The following CCR7 variants were observed in gnomAD, a reference collection of about 807,000 sequenced individuals.
CCR7 encodes the protein C-C motif chemokine receptor 7, also known as C-C chemokine receptor type 7.
A neutral mutation model predicts 26.0 loss-of-function variants in CCR7; 11 were observed. The observed-to-expected ratio is 0.42, with a 90% CI of 0.27 to 0.70. The LOEUF (loss-of-function observed/expected upper bound fraction) is 0.70, where lower values mean the gene tolerates loss of function less well. CCR7 is among the 30% of genes least tolerant of loss of function. The pLI is 0.23. For missense variants in CCR7, 360 were observed against 504.0 expected (o/e 0.71, Z 2.74); for synonymous variants, 189 against 202.1 (o/e 0.94, Z 0.55).
Position 40,565,446 on chromosome 17 carries a change from G to C in CCR7, c.-37C>G, listed in dbSNP as rs996839179. On this transcript the variant is annotated 5_prime_UTR_variant, in exon 1 of 3. Transcript: ENST00000246657. The stretch of plus-strand genomic sequence containing the variant: ...GGCGGTAAAACCACACAGGAAGGCT[G>C]TGCCCGGCCTCGCACTACCCCTGTC... 14 of 1,611,292 alleles carry C rather than the reference G, an allele frequency of 8.7e-6. No homozygotes were observed. The Admixed American group carries it at 2.0e-4, about 23-fold the overall frequency.
chr17:40,563,452 G>A (rs529707137), intron 1 of CCR7, among the ~76,000 whole-genome samples: 1 of 152,270 alleles, frequency 6.6e-6, no homozygotes, highest in Non-Finnish European at 1.5e-5. Context: ...CGAAGGTGGG[G>A]AGGGTGCCTC....
chr17:40,561,476 G>A (rs933584648), intron 1 of CCR7, among the ~76,000 whole-genome samples: 3 of 152,218 alleles, frequency 2.0e-5, no homozygotes, highest in Admixed American at 6.5e-5. Flanking sequence ...GACCAATGAA[G>A]TTGGGAATCT....
At chr17:40,563,471 T>C (rs1163537526) in intron 1 of CCR7, among the ~76,000 whole-genome samples, 1 of 152,146 alleles carries the variant, frequency 6.6e-6, no homozygotes, top group Non-Finnish European at 1.5e-5. Context: ...TCAGAGCTGC[T>C]CATTCAAACC....
Position 40,562,538 on chromosome 17 carries a change from C to T in CCR7, c.10+2862G>A, listed in dbSNP as rs189523373. On this transcript the variant is annotated intron_variant, in intron 1 of 2. Coordinates refer to ENST00000246657, the MANE Select transcript of CCR7 (RefSeq NM_001838.4). ...TGACACGGGCTTTGCTGCCTCTTTG[C>T]TGCCACAGAACTCCTTCCAAAACAC... Among the ~76,000 whole-genome samples, 28 of 152,332 alleles carry T rather than the reference C, an allele frequency of 1.8e-4. No individual in the cohort carries two copies. In the East Asian group the frequency reaches 4.4e-3, roughly 24 times the overall value.
chr17:40,555,049 A>T lies in CCR7; in HGVS notation c.830T>A (p.Leu277Gln). The T allele has an allele frequency of 1.3e-5, 21 of 1,614,176 alleles. No individual in the cohort carries two copies. The highest frequency in any genetic ancestry group is 1.8e-5 in the Non-Finnish European group (21 of 1,180,024). ...GGCCAGGACCACCCCATTGTAGGGC[A>T]GCTGGAAGACTATGAAGACCACGAC... Reference protein sequence around the residue: ...AVVVVFIVFQLPYNGVVLAQT... With the variant: ...AVVVVFIVFQQPYNGVVLAQT... Residue 277 changes from leucine (L) to glutamine (Q), a missense_variant, in exon 3 of 3, where the codon CTG (leucine) becomes CAG (glutamine). Transcript: ENST00000246657. The surrounding 1 kb of genome is among the most constrained non-coding windows in gnomAD (Gnocchi z 5.6).
Position 40,558,777 on chromosome 17 carries a change from CG to C in CCR7, c.60+115del, listed in dbSNP as rs1367100357. The C allele has an allele frequency of 7.1e-6, 6 of 839,398 alleles. 1 individual carries two copies. Among genetic ancestry groups the C allele is most frequent in the South Asian group, 5.8e-5 (4 of 68,654 alleles). 52.0% of individuals were successfully genotyped at this position (839,398 alleles called of 1,614,324 possible). ...AGCCATTAGCTTAATGAGTGGCAGG[CG>C]GGCTTATGTCTGGGTCTTGTATCTT... On this transcript the variant is annotated intron_variant, in intron 2 of 2. Transcript: ENST00000246657.
intron 2 of CCR7, among the ~76,000 whole-genome samples, chr17:40,556,044 C>T (rs898619694): frequency 6.6e-6 from 1 of 152,040 alleles, no homozygotes; most frequent in Non-Finnish European, 1.5e-5. Flanking sequence ...GTAGCTGGGA[C>T]CACAGCCTTA....
intron 2 of CCR7, among the ~76,000 whole-genome samples, chr17:40,556,379 G>T (rs1218230273): frequency 6.6e-6 from 1 of 152,180 alleles, no homozygotes; most frequent in African/African-American, 2.4e-5. Flanking sequence ...GTAGGCTAAG[G>T]TGGGGCCTGA....
chr17:40,560,196 C>T (rs2036638715), intron 1 of CCR7, among the ~76,000 whole-genome samples: 1 of 152,176 alleles, frequency 6.6e-6, no homozygotes, highest in South Asian at 2.1e-4. Context: ...AGTAATTTGC[C>T]TAGATGTTTT....
At position 40,554,836 on chromosome 17, in the gene CCR7, C is replaced by G; in HGVS notation, c.1043G>C (p.Ser348Thr). ...FKLFKDLGCL[S>T]QEQLRQWSSC... ...AGACCACTGCCGGAGCTGCTCCTGG[C>G]TGAGGCAGCCCAGGTCCTTGAAGAG... Residue 348 changes from serine (S) to threonine (T), a missense_variant, in exon 3 of 3, where the codon AGC becomes ACC. Transcript: ENST00000246657. 6 of 1,614,204 alleles carry G rather than the reference C, an allele frequency of 3.7e-6. No homozygotes were observed. Among genetic ancestry groups the G allele is most frequent in the Non-Finnish European group, 3.4e-6 (4 of 1,180,042 alleles).
intron 1 of CCR7, among the ~76,000 whole-genome samples, chr17:40,561,225 A>T (rs2036652464): frequency 6.6e-6 from 1 of 152,036 alleles, no homozygotes; most frequent in African/African-American, 2.4e-5. Flanking sequence ...CCGTCAGGGG[A>T]GGGGAGTTGG....
chr17:40,556,272 C>T (rs898394045), intron 2 of CCR7, among the ~76,000 whole-genome samples: 2 of 152,160 alleles, frequency 1.3e-5, no homozygotes. Flanking sequence ...TTCCTAAAGT[C>T]TCCAGGTGAT....
intron 2 of CCR7, among the ~76,000 whole-genome samples, chr17:40,556,038 C>T (rs1224696328): frequency 6.6e-6 from 1 of 152,106 alleles, no homozygotes; most frequent in Admixed American, 6.5e-5. Flanking sequence ...TCCTGAGTAG[C>T]TGGGACCACA....
chr17:40,562,739 C>T (rs2036667987), intron 1 of CCR7, among the ~76,000 whole-genome samples: 1 of 152,090 alleles, frequency 6.6e-6, no homozygotes, highest in East Asian at 1.9e-4. Context: ...GCTACTCCAC[C>T]CTCCCCTCCG....
chr17:40,555,929 A>C lies in CCR7; in HGVS notation c.61-111T>G. 1.4e-6 allele frequency: 1 copy of C among 714,566 alleles called. No homozygotes were observed. The highest frequency in any genetic ancestry group is 1.9e-5 in the South Asian group (1 of 53,914). 44.3% of individuals were successfully genotyped at this position (714,566 alleles called of 1,614,324 possible). ...CTTTCTTTTTTTTTTTTCTTGAGAC[A>C]TGGTCTCACTCTGTTGCCCAGGCTG... On this transcript the variant is annotated intron_variant, in intron 2 of 2. Coordinates refer to ENST00000246657, the MANE Select transcript of CCR7 (RefSeq NM_001838.4). The surrounding 1 kb of genome is among the most constrained non-coding windows in gnomAD (Gnocchi z 5.6).
chr17:40,554,803 C>T lies in CCR7; in HGVS notation c.1076G>A (p.Arg359Gln), dbSNP rs143854738. ...ACTCATGGAGGAGCGCCGGATGTGC[C>T]GACAGGAAGACCACTGCCGGAGCTG... is the stretch of plus-strand genomic sequence containing the variant. ...QEQLRQWSSC[R>Q]HIRRSSMSVE... is the part of the protein sequence containing the mutation. The change falls in exon 3 of 3, where the codon CGG becomes CAG. Residue 359 changes from arginine to glutamine, a missense_variant. Coordinates refer to ENST00000246657, the MANE Select transcript of CCR7 (RefSeq NM_001838.4). 1.2e-5 allele frequency: 20 copies of T among 1,613,924 alleles called. No individual in the cohort carries two copies. Among genetic ancestry groups the T allele is most frequent in the Middle Eastern group, 1.6e-4 (1 of 6,084 alleles).
chr17:40,559,441 G>A (rs961329209), intron 1 of CCR7, among the ~76,000 whole-genome samples: 3 of 152,216 alleles, frequency 2.0e-5, no homozygotes, highest in Admixed American at 6.5e-5. Flanking sequence ...AGGTGAGTGC[G>A]CAGCCACACG....
At chr17:40,560,026 C>T (rs527948427) in intron 1 of CCR7, among the ~76,000 whole-genome samples, 4 of 152,170 alleles carry the variant, frequency 2.6e-5, no homozygotes, top group South Asian at 2.1e-4. Flanking sequence ...TGGGAAGCGA[C>T]GTGTTCTGGA....
At chr17:40,557,856 G>A (rs2036609401) in intron 2 of CCR7, among the ~76,000 whole-genome samples, 1 of 152,244 alleles carries the variant, frequency 6.6e-6, no homozygotes, top group Admixed American at 6.5e-5. Context: ...TGAAAGGGAA[G>A]AATGAGCCTC....
Sources: gnomAD v4.1 joint callset for allele counts (sites outside exome capture counted in the v4.1 genomes callset) on GRCh38, gnomAD v4.1.1 for gene constraint, Gnocchi (gnomAD v3.1) non-coding constraint, MANE v1.5 for transcripts, NCBI Gene and HGNC (gene_info 2026-07-23, HGNC 2026-07-21) for gene names.